CFDP1: variants seen among roughly 807,000 people sequenced by gnomAD.
CFDP1 encodes heterochromatin-stabilizing protein CFDP1.
Under a neutral mutation model 40.1 loss-of-function variants are expected in CFDP1, and 31 were observed. The observed-to-expected ratio is 0.77, with a 90% CI of 0.58 to 1.04. CFDP1 has a LOEUF of 1.04. Among genes scored for constraint, CFDP1 ranks in the 50% least tolerant of loss-of-function variants. The probability of loss-of-function intolerance (pLI) is 0.00; values close to 1 mark genes in which losing one functional copy is unlikely to be tolerated. For synonymous variants in CFDP1, 167 were observed against 120.0 expected (o/e 1.39, Z -2.56); for missense variants, 423 against 343.4 (o/e 1.23, Z -1.83).
chr16:75,324,666 C>G (rs2078390584), intron 5 of CFDP1: 1 of 150,402 alleles, frequency 6.6e-6, no homozygotes, highest in African/African-American at 2.5e-5. Context: ...TCACTTGAAC[C>G]TGGGAGGTGG....
At chr16:75,316,831 T>C (rs528260243) in intron 5 of CFDP1, among the ~76,000 whole-genome samples, 124 of 151,866 alleles carry the variant, frequency 8.2e-4, no homozygotes, top group South Asian at 2.1e-3. Context: ...TAGCCGGGCG[T>C]GGAGGCGCAT....
At chr16:75,384,775 G>T (rs138727278) in intron 5 of CFDP1, among the ~76,000 whole-genome samples, 1 of 140,106 alleles carries the variant, frequency 7.1e-6, no homozygotes, top group South Asian at 2.3e-4. Context: ...AAAAAATACA[G>T]ATGTTTATAT....
At chr16:75,333,154 C>T (rs1327728603) in intron 5 of CFDP1, among the ~76,000 whole-genome samples, 6 of 132,138 alleles carry the variant, frequency 4.5e-5, no homozygotes, top group Non-Finnish European at 7.8e-5. Flanking sequence ...GATGGAGTCT[C>T]GCTCTGTCGC....
chr16:75,333,548 CTTCT>C (rs1003696838), intron 5 of CFDP1, among the ~76,000 whole-genome samples: 6 of 152,214 alleles, frequency 3.9e-5, no homozygotes, highest in Admixed American at 6.5e-5. Context: ...ATCAGCATTT[CTTCT>C]TTATTTGCTT....
intron 5 of CFDP1, among the ~76,000 whole-genome samples, chr16:75,359,724 T>G (rs2078670034): frequency 6.6e-6 from 1 of 152,198 alleles, no homozygotes; most frequent in African/African-American, 2.4e-5. Flanking sequence ...TAAGCAAATT[T>G]GGAGACATAT....
intron 4 of CFDP1, among the ~76,000 whole-genome samples, chr16:75,406,030 A>G (rs1270181770): frequency 6.6e-6 from 1 of 151,738 alleles, no homozygotes; most frequent in East Asian, 1.9e-4. Context: ...TCACTTGAGG[A>G]CAAGAGGTCA....
chr16:75,386,163 T>G (rs1597372697), intron 5 of CFDP1, among the ~76,000 whole-genome samples: 1 of 152,172 alleles, frequency 6.6e-6, no homozygotes. Context: ...GTGATCCTGA[T>G]AGACATCTGG....
At position 75,293,887 on chromosome 16, in the gene CFDP1, T is replaced by A; in HGVS notation, c.*65A>T. On this transcript the variant is annotated 3_prime_UTR_variant, in exon 7 of 7. Coordinates refer to ENST00000283882, the MANE Select transcript of CFDP1 (RefSeq NM_006324.3). ...ATGATGAGAAACACTGTAAAACATTTCACAGACGCACAAAAAGCTCACATT... is the reference window on the plus strand; with the variant it reads ...ATGATGAGAAACACTGTAAAACATTACACAGACGCACAAAAAGCTCACATT... The A allele has an allele frequency of 7.4e-7, 1 of 1,351,724 alleles. No individual in the cohort carries two copies. Among genetic ancestry groups the A allele is most frequent in the African/African-American group, 1.4e-5 (1 of 69,764 alleles). 83.7% of individuals were successfully genotyped at this position (1,351,724 alleles called of 1,614,324 possible).
At chr16:75,404,942 G>A (rs1205407667) in intron 4 of CFDP1, among the ~76,000 whole-genome samples, 1 of 152,116 alleles carries the variant, frequency 6.6e-6, no homozygotes, top group Non-Finnish European at 1.5e-5. Flanking sequence ...GTACATTATT[G>A]GGATAACTGG....
chr16:75,387,246 T>C (rs1014763750), intron 5 of CFDP1, among the ~76,000 whole-genome samples: 1 of 151,878 alleles, frequency 6.6e-6, no homozygotes, highest in African/African-American at 2.4e-5. Flanking sequence ...GCTCACGCCA[T>C]TCTCGTGCCT....
At chr16:75,388,505 T>C (rs900713717) in intron 5 of CFDP1, among the ~76,000 whole-genome samples, 1 of 152,072 alleles carries the variant, frequency 6.6e-6, no homozygotes, top group African/African-American at 2.4e-5. Context: ...AGCCACTGAG[T>C]AGGGACCACA....
chr16:75,349,837 T>TC (rs2078598306), intron 5 of CFDP1, among the ~76,000 whole-genome samples: 1 of 151,200 alleles, frequency 6.6e-6, no homozygotes, highest in South Asian at 2.1e-4. Flanking sequence ...TGGGAATAGT[T>TC]CAACTCCTTT....
chr16:75,420,636 T>G (rs990137471), intron 1 of CFDP1, among the ~76,000 whole-genome samples: 1 of 152,186 alleles, frequency 6.6e-6, no homozygotes, highest in Admixed American at 6.5e-5. Context: ...TTTGGAAAAT[T>G]TGAGTATGAT....
intron 5 of CFDP1, among the ~76,000 whole-genome samples, chr16:75,377,700 A>G (rs1262855822): frequency 6.6e-6 from 1 of 152,222 alleles, no homozygotes; most frequent in Non-Finnish European, 1.5e-5. Context: ...CAGGGAAACC[A>G]CTCAGAAAGG....
chr16:75,374,537 C>G (rs573240698), intron 5 of CFDP1, among the ~76,000 whole-genome samples: 62 of 151,660 alleles, frequency 4.1e-4, no homozygotes, highest in African/African-American at 1.2e-3. Flanking sequence ...ATAAAATGGG[C>G]GGGGCATAGT....
chr16:75,427,115 T>C (rs753175856), intron 1 of CFDP1, among the ~76,000 whole-genome samples: 10 of 150,136 alleles, frequency 6.7e-5, no homozygotes, highest in Non-Finnish European at 1.2e-4. Context: ...ATTCCAAAAC[T>C]GAAAACAACC....
intron 1 of CFDP1, among the ~76,000 whole-genome samples, chr16:75,423,526 G>GT (rs1230106859): frequency 6.6e-6 from 1 of 150,912 alleles, no homozygotes; most frequent in Non-Finnish European, 1.5e-5. Flanking sequence ...GTTTTTTTTT[G>GT]TTTTTTGAGA....
At chr16:75,353,179 A>G (rs953016774) in intron 5 of CFDP1, among the ~76,000 whole-genome samples, 5 of 152,248 alleles carry the variant, frequency 3.3e-5, no homozygotes, top group African/African-American at 1.2e-4. Flanking sequence ...TGCCATGTAT[A>G]GACCTTACTG....
intron 1 of CFDP1, among the ~76,000 whole-genome samples, chr16:75,422,884 C>T (rs1034114461): frequency 2.0e-5 from 3 of 151,408 alleles, no homozygotes; most frequent in Admixed American, 6.6e-5. Flanking sequence ...TTTCTCACAC[C>T]TGTAATGCCA....
Sources: allele counts gnomAD v4.1 joint callset (sites outside exome capture counted in the v4.1 genomes callset), GRCh38; gene constraint gnomAD v4.1.1; transcripts MANE v1.5; gene names NCBI Gene and HGNC (gene_info 2026-07-23, HGNC 2026-07-21).